Variants in DMXL2 observed in about 807,000 individuals in gnomAD.
DMXL2 encodes the protein dmX-like protein 2.
Under a neutral mutation model 331.1 loss-of-function variants are expected in DMXL2, and 103 were observed. The observed-to-expected ratio is 0.31, with a 90% CI of 0.27 to 0.37. The LOEUF (loss-of-function observed/expected upper bound fraction) is 0.37, where lower values mean the gene tolerates loss of function less well. Among genes scored for constraint, DMXL2 ranks in the 10% least tolerant of loss-of-function variants. DMXL2 has a pLI of 1.00. For synonymous variants in DMXL2, 1,281 were observed against 1,252.1 expected, an observed-to-expected ratio of 1.02 and a Z score of -0.49; for missense variants, 3,171 against 3,642.9, an observed-to-expected ratio of 0.87 and a Z score of 3.33.
In DMXL2 at chr15:51,536,258, C is replaced by A; in HGVS notation, c.2222G>T (p.Gly741Val). 4 of 1,613,980 alleles carry A rather than the reference C, an allele frequency of 2.5e-6. No individual in the cohort carries two copies. Among genetic ancestry groups the A allele is most frequent in the Non-Finnish European group, 3.4e-6 (4 of 1,179,930 alleles). ...GTTAATTCGAGCCAATTCTGATACT[C>A]CTCCAGTGTATGACAAAGGTCCTAT... Reference protein sequence around the residue: ...DPIGPLSYTGGVSELARINSL... With the variant: ...DPIGPLSYTGVVSELARINSL... The change falls in exon 12 of 44, where the codon GGA (glycine) becomes GTA (valine). Residue 741 changes from glycine to valine, a missense_variant. By Grantham distance (109) the Gly-to-Val change is moderately radical. Coordinates refer to ENST00000560891, the MANE Select transcript of DMXL2 (RefSeq NM_001378457.1).
intron 15 of DMXL2, among the ~76,000 whole-genome samples, chr15:51,508,611 A>G (rs1652087006): frequency 1.3e-5 from 2 of 152,346 alleles, no homozygotes; most frequent in South Asian, 4.1e-4. Flanking sequence ...AGTTCATTAA[A>G]GAGTTTTCTT....
In DMXL2 at chr15:51,622,732, A is replaced by ACCG. The variant is rs1032363016; in HGVS notation, c.-190_-188dup. On this transcript the variant is annotated 5_prime_UTR_variant, in exon 1 of 44. Coordinates refer to ENST00000560891, the MANE Select transcript of DMXL2 (RefSeq NM_001378457.1). ...TCGTCCCTGCCATGGGAGCTCCTCG[A>ACCG]CCGCCGCCGCCGCCCGGGTCGCCGC... 48 of 1,169,820 alleles carry ACCG rather than the reference A, an allele frequency of 4.1e-5. No homozygotes were observed. The highest frequency in any genetic ancestry group is 1.6e-4 in the African/African-American group (10 of 62,528). The allele number at this position is 1,169,820 out of a possible 1,614,324, so 72.5% of individuals were successfully genotyped here. A position where few individuals can be genotyped will look rare whatever the true frequency, so the allele number is the denominator to read the frequency against.
intron 24 of DMXL2, 47 bp from the exon 25 acceptor site, chr15:51,480,186 T>G: frequency 1.4e-6 from 2 of 1,448,834 alleles, no homozygotes; most frequent in East Asian, 4.6e-5. Flanking sequence ...TTAAAAAATT[T>G]TATCAGTTCT....
At chr15:51,613,104 G>A (rs1232747314) in intron 1 of DMXL2, among the ~76,000 whole-genome samples, 1 of 152,088 alleles carries the variant, frequency 6.6e-6, no homozygotes, top group African/African-American at 2.4e-5. Context: ...TTTTTTCAAG[G>A]TGCCCAGATT....
At chr15:51,456,417 TGAG>T (rs2039629561) in intron 37 of DMXL2, 48 bp from the exon 38 acceptor site, 1 of 1,086,934 alleles carries the variant, frequency 9.2e-7, no homozygotes, top group Non-Finnish European at 1.3e-6. Flanking sequence ...GCAGAAAAGA[TGAG>T]GAAGGATATG....
chr15:51,547,544 C>A, intron 6 of DMXL2, 136 bp from the exon 7 acceptor site: 1 of 509,014 alleles, frequency 2.0e-6, no homozygotes, highest in Non-Finnish European at 3.3e-6. Flanking sequence ...AAACTTATCT[C>A]AAAATTACAT....
At chr15:51,473,140 C>T (rs940579730) in intron 28 of DMXL2, among the ~76,000 whole-genome samples, 1 of 152,192 alleles carries the variant, frequency 6.6e-6, no homozygotes, top group East Asian at 1.9e-4. Context: ...TTCCTTACAG[C>T]TCTCCTCAAA....
Position 51,456,059 on chromosome 15 carries a change from A to C in DMXL2, c.8526+7T>G. 6.2e-7 allele frequency: 1 copy of C among 1,613,914 alleles called. No individual in the cohort carries two copies. The highest frequency in any genetic ancestry group is 8.5e-7 in the Non-Finnish European group (1 of 1,179,864). On this transcript the variant is annotated splice_region_variant and intron_variant, in intron 39 of 43. Coordinates refer to ENST00000560891, the MANE Select transcript of DMXL2 (RefSeq NM_001378457.1). ...GATGAATTCAGCAGTAGCCCCCAGA[A>C]ACTAACCTTGTTGCCTTGTGAATTA...
intron 1 of DMXL2, among the ~76,000 whole-genome samples, chr15:51,591,784 C>G (rs2052363551): frequency 6.6e-6 from 1 of 152,190 alleles, no homozygotes; most frequent in African/African-American, 2.4e-5. Context: ...GCAGCCTCAG[C>G]TGCTGATACC....
chr15:51,511,983 T>G (rs1206718665), intron 15 of DMXL2, among the ~76,000 whole-genome samples: 1 of 151,372 alleles, frequency 6.6e-6, no homozygotes, highest in African/African-American at 2.4e-5. Context: ...TAAGTGGGAG[T>G]TGAACAATGA....
intron 13 of DMXL2, among the ~76,000 whole-genome samples, chr15:51,526,778 G>A (rs2047699707): frequency 6.6e-6 from 1 of 152,136 alleles, no homozygotes; most frequent in African/African-American, 2.4e-5. Context: ...ATGCATCAGA[G>A]TCTTTTAATA....
At chr15:51,611,169 T>A (rs117127067) in intron 1 of DMXL2, among the ~76,000 whole-genome samples, 1 of 151,414 alleles carries the variant, frequency 6.6e-6, no homozygotes, top group Non-Finnish European at 1.5e-5. Context: ...CAGAGAGAAG[T>A]GGTAAAGCTA....
At chr15:51,466,154 A>G in intron 30 of DMXL2, 30 bp downstream of exon 30, 1 of 1,529,952 alleles carries the variant, frequency 6.5e-7, no homozygotes, top group East Asian at 2.4e-5. Flanking sequence ...AAGCCAAAAA[A>G]AAAATGAGAG....
intron 6 of DMXL2, among the ~76,000 whole-genome samples, chr15:51,560,993 TAA>T (rs35051365): frequency 2.6e-5 from 4 of 151,276 alleles, no homozygotes; most frequent in Non-Finnish European, 5.9e-5. Context: ...TTTTGTAATT[TAA>T]AAAAAATCAG....
chr15:51,572,429 A>C (rs2050737677), intron 2 of DMXL2, among the ~76,000 whole-genome samples: 1 of 152,198 alleles, frequency 6.6e-6, no homozygotes, highest in Non-Finnish European at 1.5e-5. Flanking sequence ...TCCCTAACTC[A>C]TTTTATGAGG....
chr15:51,449,892 T>C (rs2038983851), intron 43 of DMXL2, among the ~76,000 whole-genome samples: 1 of 152,068 alleles, frequency 6.6e-6, no homozygotes, highest in Non-Finnish European at 1.5e-5. Flanking sequence ...CAAAATAGAA[T>C]GCTTTAAAGC....
chr15:51,464,778 G>A lies in DMXL2; in HGVS notation c.7705C>T (p.Pro2569Ser), dbSNP rs2040429567. Residue 2569 changes from proline to serine, a missense_variant, in exon 32 of 44, where the codon CCC (proline) becomes TCC (serine). Physicochemically the swap from Pro to Ser is moderately conservative, Grantham distance 74 (BLOSUM62 -1). Around this residue, in one of 7 missense-constraint regions of DMXL2, gnomAD observed 766 missense variants for 940.5 expected, o/e 0.81. Coordinates refer to ENST00000560891, the MANE Select transcript of DMXL2 (RefSeq NM_001378457.1). ...QEKMDQFEGP[P>S]PNYINTYPTD... ...GGATATGTGTTGATATAGTTAGGGGGTGGACCTTCAAACTGATCCATTTTC... is the reference window on the plus strand; with the variant it reads ...GGATATGTGTTGATATAGTTAGGGGATGGACCTTCAAACTGATCCATTTTC... 1.2e-6 allele frequency: 2 copies of A among 1,613,966 alleles called. No individual in the cohort carries two copies. The highest frequency in any genetic ancestry group is 1.3e-5 in the African/African-American group (1 of 74,904).
At chr15:51,610,820 A>T (rs1900634419) in intron 1 of DMXL2, among the ~76,000 whole-genome samples, 1 of 152,140 alleles carries the variant, frequency 6.6e-6, no homozygotes, top group Admixed American at 6.5e-5. Context: ...CAATAAACTT[A>T]AAAAGACTAG....
intron 9 of DMXL2, among the ~76,000 whole-genome samples, chr15:51,539,790 G>A (rs985907000): frequency 2.6e-5 from 4 of 151,858 alleles, no homozygotes; most frequent in African/African-American, 7.3e-5. Flanking sequence ...GTCCTCCTCC[G>A]CCCAAAAAAT....
Sources: gnomAD v4.1 joint callset for allele counts (sites outside exome capture counted in the v4.1 genomes callset) on GRCh38, gnomAD v4.1.1 for gene constraint, gnomAD v4.1.1 regional missense constraint, MANE v1.5 for transcripts, NCBI Gene and HGNC (gene_info 2026-07-23, HGNC 2026-07-21) for gene names.